SH3BP4: variants seen among roughly 807,000 people sequenced by gnomAD.
SH3BP4 encodes SH3 domain-binding protein 4.
SH3BP4 carries 33 observed loss-of-function variants against 65.5 expected under a neutral mutation model. That is an observed-to-expected ratio of 0.50 (90% CI 0.38 to 0.67). SH3BP4 has a LOEUF of 0.67. SH3BP4 is among the 30% of genes least tolerant of loss of function. The probability of loss-of-function intolerance (pLI) is 0.00; values close to 1 mark genes in which losing one functional copy is unlikely to be tolerated. For synonymous variants in SH3BP4, 552 were observed against 545.5 expected, an observed-to-expected ratio of 1.01 and a Z score of -0.17; for missense variants, 1,134 against 1,261.4, an observed-to-expected ratio of 0.90 and a Z score of 1.53.
intron 2 of SH3BP4, among the ~76,000 whole-genome samples, chr2:235,032,527 G>T (rs1013843099): frequency 3.3e-5 from 5 of 152,202 alleles, no homozygotes; most frequent in African/African-American, 1.2e-4. Flanking sequence ...CCATCACTGG[G>T]GTCTCCACAG....
chr2:235,023,437 A>G (rs1245020342), intron 2 of SH3BP4, among the ~76,000 whole-genome samples: 1 of 152,064 alleles, frequency 6.6e-6, no homozygotes, highest in Non-Finnish European at 1.5e-5. Context: ...AATCCCAGCT[A>G]CTTGGGAGGC....
At position 235,046,375 on chromosome 2, in the gene SH3BP4, C is replaced by G. The variant is rs1695859648; in HGVS notation, c.2478+3128C>G. Among the ~76,000 whole-genome samples, 1 of 152,032 alleles carries G rather than the reference C, an allele frequency of 6.6e-6. No homozygotes were observed. The highest frequency in any genetic ancestry group is 1.5e-5 in the Non-Finnish European group (1 of 68,016). On this transcript the variant is annotated intron_variant, in intron 4 of 5. Coordinates refer to ENST00000392011, the MANE Select transcript of SH3BP4 (RefSeq NM_014521.3). This position sits in a 1 kb window ranked among gnomAD's most constrained non-coding sequence, Gnocchi z 4.2. Reference sequence around the variant, plus strand: ...CTTGAGCCCGGGAATTCAAGACCAGCCTGAGCAACATAGTGAGGCTTCATC... The same window carrying G: ...CTTGAGCCCGGGAATTCAAGACCAGGCTGAGCAACATAGTGAGGCTTCATC...
intron 2 of SH3BP4, among the ~76,000 whole-genome samples, chr2:235,001,217 C>A (rs1487555944): frequency 6.6e-6 from 1 of 152,158 alleles, no homozygotes; most frequent in Non-Finnish European, 1.5e-5. Context: ...GCTCCCGGGC[C>A]CTTGGCGTGG....
At chr2:235,001,085 A>C (rs936465935) in intron 2 of SH3BP4, among the ~76,000 whole-genome samples, 3 of 152,202 alleles carry the variant, frequency 2.0e-5, no homozygotes, top group African/African-American at 7.2e-5. Flanking sequence ...AGTTTTTGAG[A>C]AATTAATTAT....
chr2:235,036,327 T>C (rs1312182300), intron 3 of SH3BP4, among the ~76,000 whole-genome samples: 1 of 152,232 alleles, frequency 6.6e-6, no homozygotes, highest in Non-Finnish European at 1.5e-5. Context: ...TCAGATTCTG[T>C]TAATGGACAT....
rs1696073474 is a variant in SH3BP4 at position 235,052,109 on chromosome 2, C to T, written c.2479-453C>T. Among the ~76,000 whole-genome samples, 2 of 152,308 alleles carry T rather than the reference C, an allele frequency of 1.3e-5. No individual in the cohort carries two copies. The highest frequency in any genetic ancestry group is 2.1e-4 in the South Asian group (1 of 4,824). On this transcript the variant is annotated intron_variant, in intron 4 of 5. Transcript: ENST00000392011. The surrounding 1 kb of genome is among the most constrained non-coding windows in gnomAD (Gnocchi z 5.0). Reference sequence around the variant, plus strand: ...TTGCAGGCCTGCCTCTCCTAAGCCCCACTGGCTCAACCCTCCTTCTTTTCC... The same window carrying T: ...TTGCAGGCCTGCCTCTCCTAAGCCCTACTGGCTCAACCCTCCTTCTTTTCC...
intron 2 of SH3BP4, among the ~76,000 whole-genome samples, chr2:235,024,134 A>G (rs932402890): frequency 2.0e-5 from 3 of 152,232 alleles, no homozygotes; most frequent in African/African-American, 7.2e-5. Flanking sequence ...TCATTCACAA[A>G]TTGTACTCAT....
intron 1 of SH3BP4, among the ~76,000 whole-genome samples, chr2:234,980,162 AG>A (rs1693326679): frequency 6.6e-6 from 1 of 152,296 alleles, no homozygotes; most frequent in African/African-American, 2.4e-5. Context: ...CCCTGTAAGT[AG>A]TCCCCCCCTT....
chr2:234,970,355 G>T (rs983422036), intron 1 of SH3BP4, among the ~76,000 whole-genome samples: 6 of 152,166 alleles, frequency 3.9e-5, no homozygotes, highest in Non-Finnish European at 8.8e-5. Flanking sequence ...TACTGCTCAG[G>T]TCCTTCCCCT....
At chr2:235,008,111 A>G (rs1694356945) in intron 2 of SH3BP4, among the ~76,000 whole-genome samples, 1 of 152,286 alleles carries the variant, frequency 6.6e-6, no homozygotes, top group South Asian at 2.1e-4. Flanking sequence ...CTTCCTCTCC[A>G]GACTGGGTGG....
chr2:235,016,259 C>A (rs1694682115), intron 2 of SH3BP4, among the ~76,000 whole-genome samples: 1 of 152,074 alleles, frequency 6.6e-6, no homozygotes, highest in Non-Finnish European at 1.5e-5. Flanking sequence ...ACACGAGGCA[C>A]ATCTGAGGAA....
intron 4 of SH3BP4, among the ~76,000 whole-genome samples, chr2:235,050,843 G>A (rs1696026859): frequency 6.6e-6 from 1 of 152,082 alleles, no homozygotes; most frequent in Non-Finnish European, 1.5e-5. Flanking sequence ...GTTGGCGGGG[G>A]TGGGGGGTTG....
intron 3 of SH3BP4, among the ~76,000 whole-genome samples, chr2:235,038,275 TATATATTATATATAATATATATATTATA>T: frequency 5.3e-5 from 1 of 18,778 alleles, no homozygotes; most frequent in Non-Finnish European, 6.8e-5. Context: ...TTATATATAA[TATATATTATATATAATATATATATTATA>T]TATATATATT....
chr2:235,054,723 G>T lies in SH3BP4; in HGVS notation c.*907G>T, dbSNP rs1261581982. 6.6e-6 allele frequency: 1 copy of T among 152,202 alleles called. No individual in the cohort carries two copies. The highest frequency in any genetic ancestry group is 2.4e-5 in the African/African-American group (1 of 41,452). The allele number at this position is 152,202 out of a possible 1,614,324, so 9.4% of individuals were successfully genotyped here. ...CAAAGCAGTGCTTCCCATAGAGTTT[G>T]CTGCCTCTTCTGTGGACAGGAAGAA... On this transcript the variant is annotated 3_prime_UTR_variant, in exon 6 of 6. Coordinates refer to ENST00000392011, the MANE Select transcript of SH3BP4 (RefSeq NM_014521.3).
intron 1 of SH3BP4, among the ~76,000 whole-genome samples, chr2:234,975,226 T>G (rs955801499): frequency 5.9e-5 from 9 of 152,152 alleles, no homozygotes; most frequent in African/African-American, 2.2e-4. Flanking sequence ...GGCAGTAACA[T>G]CGGGGACAGC....
chr2:234,984,033 G>C (rs866057929), intron 1 of SH3BP4, among the ~76,000 whole-genome samples: 1 of 152,236 alleles, frequency 6.6e-6, no homozygotes, highest in Non-Finnish European at 1.5e-5. Flanking sequence ...AGTTACGTTT[G>C]AGCAGAGCCA....
rs1453998853 is a variant in SH3BP4, at chr2:234,997,305, T to G, written c.-133+1929T>G. ...ACAGTCTGATTTGCCTGGGGGTCAGTGAGAGACACGGCTACCCAGGGTTTC... is the reference window on the plus strand; with the variant it reads ...ACAGTCTGATTTGCCTGGGGGTCAGGGAGAGACACGGCTACCCAGGGTTTC... On this transcript the variant is annotated intron_variant, in intron 2 of 5. Coordinates refer to ENST00000392011, the MANE Select transcript of SH3BP4 (RefSeq NM_014521.3). The surrounding 1 kb of genome is among the most constrained non-coding windows in gnomAD (Gnocchi z 4.2). Among the ~76,000 whole-genome samples, 1 of 152,170 alleles carries G rather than the reference T, an allele frequency of 6.6e-6. No individual in the cohort carries two copies. The highest frequency in any genetic ancestry group is 1.5e-5 in the Non-Finnish European group (1 of 68,012).
chr2:235,052,525 C>A lies in SH3BP4; in HGVS notation c.2479-37C>A. On this transcript the variant is annotated intron_variant, in intron 4 of 5. Transcript: ENST00000392011. The surrounding 1 kb of genome is among the most constrained non-coding windows in gnomAD (Gnocchi z 5.0). ...CGGGGAGCAGAGCCTGCCCCACTCC[C>A]TACACTGTCTCACGCTGTGTGCCTC... 1 of 1,503,240 alleles carries A rather than the reference C, an allele frequency of 6.7e-7. No individual in the cohort carries two copies. The highest frequency in any genetic ancestry group is 1.3e-5 in the South Asian group (1 of 77,844). The allele number at this position is 1,503,240 out of a possible 1,614,324, so 93.1% of individuals were successfully genotyped here.
intron 1 of SH3BP4, among the ~76,000 whole-genome samples, chr2:234,971,074 G>A (rs995064251): frequency 5.3e-5 from 8 of 152,094 alleles, no homozygotes; most frequent in Non-Finnish European, 1.0e-4. Flanking sequence ...TAACCATCTG[G>A]AGCATACAGT....
Sources: allele counts gnomAD v4.1 joint callset (sites outside exome capture counted in the v4.1 genomes callset), GRCh38; gene constraint gnomAD v4.1.1; non-coding constraint Gnocchi (gnomAD v3.1); transcripts MANE v1.5; gene names NCBI Gene and HGNC (gene_info 2026-07-23, HGNC 2026-07-21).